The following UNC5D variants were observed in gnomAD, a reference collection of about 807,000 sequenced individuals.
The protein encoded by UNC5D is netrin receptor UNC5D.
UNC5D carries 39 observed loss-of-function variants against 105.4 expected under a neutral mutation model. That is an observed-to-expected ratio of 0.37 (90% confidence interval 0.29 to 0.48). The LOEUF is 0.48. Ranked by LOEUF, UNC5D falls within the 20% of genes least tolerant of loss-of-function variation. The pLI is 0.98. For synonymous variants in UNC5D, 452 were observed against 450.4 expected (o/e 1.00, Z -0.04); for missense variants, 991 against 1,202.4 (o/e 0.82, Z 2.60).
At chr8:35,433,866 GAAAAAGAAA>G (rs936288117) in intron 1 of UNC5D, among the ~76,000 whole-genome samples, 5 of 148,792 alleles carry the variant, frequency 3.4e-5, no homozygotes, top group Non-Finnish European at 6.0e-5. Context: ...AAAAAAGAAA[GAAAAAGAAA>G]AAAAAGAAAA....
At chr8:35,283,709 C>T (rs1806373195) in intron 1 of UNC5D, among the ~76,000 whole-genome samples, 1 of 151,904 alleles carries the variant, frequency 6.6e-6, no homozygotes, top group Non-Finnish European at 1.5e-5. Flanking sequence ...GAGGCTGAGG[C>T]AGGAGAATCT....
chr8:35,568,037 C>T, intron 2 of UNC5D, 61 bp from the exon 3 acceptor site: 3 of 1,587,566 alleles, frequency 1.9e-6, no homozygotes, highest in Non-Finnish European at 2.6e-6. Context: ...CTAACCTTAA[C>T]TTTCTGTTTG....
At chr8:35,481,706 G>T (rs1197198207) in intron 1 of UNC5D, among the ~76,000 whole-genome samples, 2 of 152,156 alleles carry the variant, frequency 1.3e-5, no homozygotes, top group Non-Finnish European at 2.9e-5. Context: ...CTATCATCTT[G>T]TTAATTAATG....
Position 35,303,773 on chromosome 8 carries a change from A to G in UNC5D, c.103+67886A>G, listed in dbSNP as rs1304139849. ...CTTCTGAGAGCAGCAAGCACACTTC[A>G]CAGGCAACAATGCTAATGTAGTTCT... On this transcript the variant is annotated intron_variant, in intron 1 of 16. Transcript: ENST00000404895. Among the ~76,000 whole-genome samples the G allele has an allele frequency of 5.3e-5, 8 of 152,184 alleles. No individual in the cohort carries two copies. The East Asian group carries it at 1.2e-3, about 22-fold the overall frequency.
intron 3 of UNC5D, among the ~76,000 whole-genome samples, chr8:35,585,291 GAC>G: frequency 6.6e-6 from 1 of 152,312 alleles, no homozygotes. Flanking sequence ...GCGTCAGCAT[GAC>G]AGGACCTTTT....
intron 4 of UNC5D, among the ~76,000 whole-genome samples, chr8:35,628,725 A>G (rs1012513446): frequency 4.6e-5 from 7 of 152,180 alleles, no homozygotes; most frequent in African/African-American, 1.2e-4. Flanking sequence ...CTGAAGGGTA[A>G]AAAGAAAAGC....
At chr8:35,756,689 A>G (rs1301243430) in intron 13 of UNC5D, among the ~76,000 whole-genome samples, 2 of 152,182 alleles carry the variant, frequency 1.3e-5, no homozygotes, top group African/African-American at 2.4e-5. Context: ...ACGTGGCTTT[A>G]GGCAAATAAC....
intron 2 of UNC5D, among the ~76,000 whole-genome samples, chr8:35,556,689 T>C (rs1816572592): frequency 6.6e-6 from 1 of 152,196 alleles, no homozygotes; most frequent in Non-Finnish European, 1.5e-5. Context: ...TACTATATTT[T>C]GCAAGAGTTG....
chr8:35,358,960 G>A (rs987392687), intron 1 of UNC5D, among the ~76,000 whole-genome samples: 3 of 152,162 alleles, frequency 2.0e-5, no homozygotes, highest in Non-Finnish European at 4.4e-5. Flanking sequence ...CCCATGAATA[G>A]ATAAGGTACA....
chr8:35,614,790 C>A (rs973869499), intron 4 of UNC5D, among the ~76,000 whole-genome samples: 1 of 152,118 alleles, frequency 6.6e-6, no homozygotes, highest in African/African-American at 2.4e-5. Context: ...ACGTCTTTAG[C>A]TGGGAAGCTC....
At chr8:35,691,419 C>T (rs900528601) in intron 7 of UNC5D, among the ~76,000 whole-genome samples, 6 of 152,040 alleles carry the variant, frequency 3.9e-5, no homozygotes, top group Non-Finnish European at 7.4e-5. Context: ...CCCAGGAGAT[C>T]GAGGCTGCAG....
intron 4 of UNC5D, among the ~76,000 whole-genome samples, chr8:35,612,982 G>A (rs1820790181): frequency 1.3e-5 from 2 of 151,942 alleles, no homozygotes; most frequent in Non-Finnish European, 2.9e-5. Context: ...GAATGCTGTG[G>A]GTTTGTGGAA....
chr8:35,495,455 CAACAAA>C (rs1243988527), intron 1 of UNC5D, among the ~76,000 whole-genome samples: 15 of 32,402 alleles, frequency 4.6e-4, no homozygotes, highest in African/African-American at 1.5e-3. Context: ...ACAACAACAA[CAACAAA>C]AAAAAAAAAA....
chr8:35,478,742 T>A (rs1368163716), intron 1 of UNC5D, among the ~76,000 whole-genome samples: 2 of 152,222 alleles, frequency 1.3e-5, no homozygotes, highest in Non-Finnish European at 2.9e-5. Flanking sequence ...TTAAACATTC[T>A]ATGCTTTTTG....
intron 4 of UNC5D, among the ~76,000 whole-genome samples, chr8:35,598,296 T>C (rs1277903097): frequency 2.6e-5 from 4 of 152,160 alleles, no homozygotes; most frequent in Admixed American, 2.6e-4. Flanking sequence ...GAAACTTAAA[T>C]TCAGTGAGGG....
intron 3 of UNC5D, among the ~76,000 whole-genome samples, chr8:35,571,149 C>A (rs188556362): frequency 2.0e-5 from 3 of 152,252 alleles, no homozygotes; most frequent in Admixed American, 6.5e-5. Context: ...CTGAGCCTAG[C>A]CCCAGAGAAC....
At chr8:35,470,873 T>C (rs920074638) in intron 1 of UNC5D, among the ~76,000 whole-genome samples, 1 of 152,094 alleles carries the variant, frequency 6.6e-6, no homozygotes, top group Non-Finnish European at 1.5e-5. Context: ...CTTAGCAGCA[T>C]TGGGTGAGAA....
At chr8:35,723,560 T>TAA (rs773593978) in intron 9 of UNC5D, among the ~76,000 whole-genome samples, 5 of 151,900 alleles carry the variant, frequency 3.3e-5, no homozygotes, top group African/African-American at 7.3e-5. Flanking sequence ...CACACCAAGC[T>TAA]AAGTTTTTGT....
chr8:35,687,750 A>G (rs753359500), intron 7 of UNC5D, among the ~76,000 whole-genome samples: 2 of 152,208 alleles, frequency 1.3e-5, no homozygotes, highest in Non-Finnish European at 2.9e-5. Flanking sequence ...TAGTTACCAA[A>G]TATGATACCC....
Sources: gnomAD v4.1 joint callset for allele counts (sites outside exome capture counted in the v4.1 genomes callset) on GRCh38, gnomAD v4.1.1 for gene constraint, MANE v1.5 for transcripts, NCBI Gene and HGNC (gene_info 2026-07-23, HGNC 2026-07-21) for gene names.